ZNF12: variants seen among roughly 807,000 people sequenced by gnomAD.
The protein encoded by ZNF12 is gonadotropin inducible transcription repressor 3.
ZNF12 carries 34 observed loss-of-function variants against 66.6 expected under a neutral mutation model. That is an observed-to-expected ratio of 0.51 (90% CI 0.39 to 0.68). ZNF12 has a LOEUF of 0.68. ZNF12 is among the 30% of genes least tolerant of loss of function. The probability of loss-of-function intolerance (pLI) is 0.00; values close to 1 mark genes in which losing one functional copy is unlikely to be tolerated. For synonymous variants in ZNF12, 320 were observed against 278.9 expected (o/e 1.15, Z -1.47); for missense variants, 697 against 826.9 (o/e 0.84, Z 1.93).
In ZNF12 at chr7:6,706,632, C is replaced by A; in HGVS notation, c.-251G>T. On this transcript the variant is annotated 5_prime_UTR_variant, in exon 1 of 5. Coordinates refer to ENST00000405858, the MANE Select transcript of ZNF12 (RefSeq NM_016265.4). ...GGAGCCCAGATCCGTCTCCCTGGGG[C>A]TCACCGTCCTGCGGAGCCGGGGCCG... 1 of 434,824 alleles carries A rather than the reference C, an allele frequency of 2.3e-6. No individual in the cohort carries two copies. Among genetic ancestry groups the A allele is most frequent in the Admixed American group, 2.5e-5 (1 of 40,636 alleles). 26.9% of individuals were successfully genotyped at this position (434,824 alleles called of 1,614,324 possible).
chr7:6,706,472 A>G lies in ZNF12; in HGVS notation c.-91T>C, dbSNP rs778165082. 6.3e-6 allele frequency: 3 copies of G among 477,240 alleles called. No individual in the cohort carries two copies. The East Asian group carries it at 1.9e-4, about 31-fold the overall frequency. 29.6% of individuals were successfully genotyped at this position (477,240 alleles called of 1,614,324 possible). ...CAGCCTCTGCCCCACCGCTCCCGAC[A>G]GGCCGGGGCGGGATTGCTGTCGCGG... On this transcript the variant is annotated 5_prime_UTR_variant, in exon 1 of 5. Coordinates refer to ENST00000405858, the MANE Select transcript of ZNF12 (RefSeq NM_016265.4).
chr7:6,694,462 A>G (rs964098966), intron 4 of ZNF12, among the ~76,000 whole-genome samples: 1 of 152,212 alleles, frequency 6.6e-6, no homozygotes, highest in South Asian at 2.1e-4. Flanking sequence ...GTCATCTAAC[A>G]AAAATATTCC....
At chr7:6,703,878 G>A (rs1340854298) in intron 2 of ZNF12, among the ~76,000 whole-genome samples, 1 of 152,254 alleles carries the variant, frequency 6.6e-6, no homozygotes, top group African/African-American at 2.4e-5. Flanking sequence ...TGTCCACTAA[G>A]AGCATGTGCT....
chr7:6,691,952 A>G lies in ZNF12; in HGVS notation c.990T>C (p.Cys330=). ...GTAACTTCTGGTAAAAGTTCTTCCC[A>G]CATTCATTACATTCATAGGGCTTCT... The part of the protein sequence containing the change: ...TGEKPYECNE[C]GKNFYQKLHL... Residue 330 remains cysteine (C), a synonymous_variant, in exon 5 of 5, where the codon TGT becomes TGC. Transcript: ENST00000405858. 6.2e-7 allele frequency: 1 copy of G among 1,614,150 alleles called. No homozygotes were observed. Among genetic ancestry groups the G allele is most frequent in the Middle Eastern group, 1.6e-4 (1 of 6,062 alleles).
rs545889454 is a variant in ZNF12 at position 6,696,952 on chromosome 7, C to T, written c.238+387G>A. On this transcript the variant is annotated intron_variant, in intron 4 of 4. Coordinates refer to ENST00000405858, the MANE Select transcript of ZNF12 (RefSeq NM_016265.4). This position sits in a 1 kb window ranked among gnomAD's most constrained non-coding sequence, Gnocchi z 4.0. ...AACAGGGTCCAGAAACAGTCTCAGG[C>T]ACTGCACGGTAAAGATTAAAAAAAA... Among the ~76,000 whole-genome samples, 1 of 151,048 alleles carries T rather than the reference C, an allele frequency of 6.6e-6. No homozygotes were observed. The highest frequency in any genetic ancestry group is 2.1e-4 in the South Asian group (1 of 4,768).
At position 6,692,533 on chromosome 7, in the gene ZNF12, T is replaced by G. The variant is rs1377975300; in HGVS notation, c.409A>C (p.Asn137His). The change falls in exon 5 of 5, where the codon AAT (asparagine) becomes CAT (histidine). Residue 137 changes from asparagine (N) to histidine (H), a missense_variant. This residue lies in a region of ZNF12 where 241 missense variants were observed against 224.0 expected (regional missense o/e 1.08). Coordinates refer to ENST00000405858, the MANE Select transcript of ZNF12 (RefSeq NM_016265.4). This position sits in a 1 kb window ranked among gnomAD's most constrained non-coding sequence, Gnocchi z 5.1. ...PVPSRKIAYK[N>H]SLCDSCEKCL... Reference sequence around the variant, plus strand: ...TTTTCACATGAGTCACAGAGGCTATTTTTATAGGCTATTTTTCTTGAAGGA... The same window carrying G: ...TTTTCACATGAGTCACAGAGGCTATGTTTATAGGCTATTTTTCTTGAAGGA... 1 of 1,613,778 alleles carries G rather than the reference T, an allele frequency of 6.2e-7. No homozygotes were observed. Among genetic ancestry groups the G allele is most frequent in the African/African-American group, 1.3e-5 (1 of 75,024 alleles).
At position 6,698,583 on chromosome 7, in the gene ZNF12, T is replaced by G. The variant is rs1464439250; in HGVS notation, c.16-772A>C. 2.0e-5 allele frequency among the ~76,000 whole-genome samples: 3 copies of G among 152,228 alleles called. No homozygotes were observed. In the South Asian group the frequency reaches 6.2e-4, roughly 31 times the overall value. ...GGCTGGGCAACACACATTCTAGTTT[T>G]TATTTTTACTGCCAAGTGACCAAGC... On this transcript the variant is annotated intron_variant, in intron 2 of 4. Coordinates refer to ENST00000405858, the MANE Select transcript of ZNF12 (RefSeq NM_016265.4). This position sits in a 1 kb window ranked among gnomAD's most constrained non-coding sequence, Gnocchi z 4.4.
chr7:6,690,741 C>T lies in ZNF12; in HGVS notation c.*107G>A, dbSNP rs1006736996. 5 of 1,170,822 alleles carry T rather than the reference C, an allele frequency of 4.3e-6. No individual in the cohort carries two copies. In the Admixed American group the frequency reaches 1.2e-4, roughly 27 times the overall value. 72.5% of individuals were successfully genotyped at this position (1,170,822 alleles called of 1,614,324 possible). On this transcript the variant is annotated 3_prime_UTR_variant, in exon 5 of 5. Coordinates refer to ENST00000405858, the MANE Select transcript of ZNF12 (RefSeq NM_016265.4). ...TGAGTCCAACACACAAGGGGATGTC[C>T]ACACTAACCTGTGTGAACTCTCTGA...
In ZNF12 at chr7:6,692,670, C is replaced by A. The variant is rs757474636; in HGVS notation, c.272G>T (p.Arg91Ile). 6.2e-7 allele frequency: 1 copy of A among 1,607,340 alleles called. No homozygotes were observed. The highest frequency in any genetic ancestry group is 1.1e-5 in the South Asian group (1 of 89,262). Residue 91 changes from arginine (R) to isoleucine (I), a missense_variant, in exon 5 of 5, where the codon AGA (arginine) becomes ATA (isoleucine). Around this residue, in one of 3 missense-constraint regions of ZNF12, gnomAD observed 241 missense variants for 224.0 expected, o/e 1.08. Coordinates refer to ENST00000405858, the MANE Select transcript of ZNF12 (RefSeq NM_016265.4). This position sits in a 1 kb window ranked among gnomAD's most constrained non-coding sequence, Gnocchi z 5.1. ...EVWQTDDLIE[R>I]IQEEENKPSR... ...AGGTTTATTTTCCTCTTCCTGGATT[C>A]TCTCTATTAGGTCATCAGTTTGCCA... is the stretch of plus-strand genomic sequence containing the variant.
At position 6,696,071 on chromosome 7, in the gene ZNF12, A is replaced by C. The variant is rs560641216; in HGVS notation, c.238+1268T>G. Among the ~76,000 whole-genome samples the C allele has an allele frequency of 6.6e-6, 1 of 152,350 alleles. No individual in the cohort carries two copies. The highest frequency in any genetic ancestry group is 2.1e-4 in the South Asian group (1 of 4,834). On this transcript the variant is annotated intron_variant, in intron 4 of 4. Coordinates refer to ENST00000405858, the MANE Select transcript of ZNF12 (RefSeq NM_016265.4). This position sits in a 1 kb window ranked among gnomAD's most constrained non-coding sequence, Gnocchi z 4.0. The stretch of plus-strand genomic sequence containing the variant: ...TCCCTTTAGGAAGTAAAATGTAACC[A>C]ACTATAGGCTTATCTTGTGAGGCTA...
rs1411829403 is a variant in ZNF12 at position 6,705,899 on chromosome 7, C to CT, written c.-51+532dup. 6.6e-6 allele frequency among the ~76,000 whole-genome samples: 1 copy of CT among 152,114 alleles called. No homozygotes were observed. Among genetic ancestry groups the CT allele is most frequent in the East Asian group, 1.9e-4 (1 of 5,200 alleles). The stretch of plus-strand genomic sequence containing the variant: ...ACTTCAGTGTGCTACTCAAAAGGAT[C>CT]TTTTATTGAAGAACTTACGCTCACT... On this transcript the variant is annotated intron_variant, in intron 1 of 4. Transcript: ENST00000405858. This position sits in a 1 kb window ranked among gnomAD's most constrained non-coding sequence, Gnocchi z 4.0.
In ZNF12 at chr7:6,697,553, A is replaced by G. The variant is rs542064064; in HGVS notation, c.143-119T>C. 1.3e-6 allele frequency: 2 copies of G among 1,532,014 alleles called. No individual in the cohort carries two copies. The highest frequency in any genetic ancestry group is 8.9e-7 in the Non-Finnish European group (1 of 1,121,238). The allele number at this position is 1,532,014 out of a possible 1,614,324, so 94.9% of individuals were successfully genotyped here. The stretch of plus-strand genomic sequence containing the variant: ...ATCAGAACTTTTCACGGGGGAGATC[A>G]AGACCAAAATGCCCTGCCTGGTGCC... On this transcript the variant is annotated intron_variant, in intron 3 of 4. Transcript: ENST00000405858. This position sits in a 1 kb window ranked among gnomAD's most constrained non-coding sequence, Gnocchi z 6.1.
chr7:6,691,197 C>T lies in ZNF12; in HGVS notation c.1745G>A (p.Cys582Tyr). ...SGEKPYECSE[C>Y]GKTFCQNSAL... ...TGAATTCTGGCAGAAGGTTTTCCCACATTCACTACATTCATAGGGCTTCTC... is the reference window on the plus strand; with the variant it reads ...TGAATTCTGGCAGAAGGTTTTCCCATATTCACTACATTCATAGGGCTTCTC... Residue 582 changes from cysteine (C) to tyrosine (Y), a missense_variant, in exon 5 of 5, where the codon TGT becomes TAT. Physicochemically the swap from Cys to Tyr is radical, Grantham distance 194 (BLOSUM62 -2). Around this residue, in one of 3 missense-constraint regions of ZNF12, gnomAD observed 401 missense variants for 519.0 expected, o/e 0.77. Transcript: ENST00000405858. 2 of 1,614,104 alleles carry T rather than the reference C, an allele frequency of 1.2e-6. No individual in the cohort carries two copies. Among genetic ancestry groups the T allele is most frequent in the Non-Finnish European group, 8.5e-7 (1 of 1,180,002 alleles).
rs1474068392 is a variant in ZNF12, at chr7:6,692,849, TCTC to T, written c.239-149_239-147del. On this transcript the variant is annotated intron_variant, in intron 4 of 4. Coordinates refer to ENST00000405858, the MANE Select transcript of ZNF12 (RefSeq NM_016265.4). The surrounding 1 kb of genome is among the most constrained non-coding windows in gnomAD (Gnocchi z 5.1). The stretch of plus-strand genomic sequence containing the variant: ...ATGAAAATAATTCCAAGTGTACTCT[TCTC>T]CTTTATGCTTTTGCTTAAAATTACA... 4 of 749,436 alleles carry T rather than the reference TCTC, an allele frequency of 5.3e-6. No individual in the cohort carries two copies. Among genetic ancestry groups the T allele is most frequent in the Non-Finnish European group, 8.0e-6 (4 of 497,232 alleles). The allele number at this position is 749,436 out of a possible 1,614,324, so 46.4% of individuals were successfully genotyped here. A position where few individuals can be genotyped will look rare whatever the true frequency, so the allele number is the denominator to read the frequency against.
chr7:6,697,682 C>G lies in ZNF12; in HGVS notation c.142+3G>C. ...AGCAACTGAGAAAGCAAGCTATCCT[C>G]ACCCACAGAAACTAGATTGCTGTAG... On this transcript the variant is annotated splice_donor_region_variant and intron_variant, in intron 3 of 4. Transcript: ENST00000405858. This position sits in a 1 kb window ranked among gnomAD's most constrained non-coding sequence, Gnocchi z 6.1. 6.2e-7 allele frequency: 1 copy of G among 1,614,054 alleles called. No individual in the cohort carries two copies. The highest frequency in any genetic ancestry group is 8.5e-7 in the Non-Finnish European group (1 of 1,179,944).
intron 2 of ZNF12, chr7:6,700,959 CGTTT>C (rs1562601611): frequency 7.1e-5 from 9 of 125,978 alleles, no homozygotes; most frequent in Admixed American, 5.5e-4. Context: ...TTCATTTGTT[CGTTT>C]GTTCGTTTGT....
chr7:6,695,112 T>A (rs1374386965), intron 4 of ZNF12, among the ~76,000 whole-genome samples: 2 of 152,190 alleles, frequency 1.3e-5, no homozygotes, highest in Non-Finnish European at 2.9e-5. Context: ...AGACAGAGTG[T>A]CACCATATTG....
rs1780173818 is a variant in ZNF12, at chr7:6,697,671, C to A, written c.142+14G>T. 1 of 1,612,828 alleles carries A rather than the reference C, an allele frequency of 6.2e-7. No individual in the cohort carries two copies. The highest frequency in any genetic ancestry group is 1.7e-5 in the Admixed American group (1 of 59,680). On this transcript the variant is annotated intron_variant, in intron 3 of 4. Coordinates refer to ENST00000405858, the MANE Select transcript of ZNF12 (RefSeq NM_016265.4). The surrounding 1 kb of genome is among the most constrained non-coding windows in gnomAD (Gnocchi z 6.1). Reference sequence around the variant, plus strand: ...CCATATATTTTAGCAACTGAGAAAGCAAGCTATCCTCACCCACAGAAACTA... The same window carrying A: ...CCATATATTTTAGCAACTGAGAAAGAAAGCTATCCTCACCCACAGAAACTA...
At position 6,698,457 on chromosome 7, in the gene ZNF12, T is replaced by C. The variant is rs910717979; in HGVS notation, c.16-646A>G. 1.3e-5 allele frequency among the ~76,000 whole-genome samples: 2 copies of C among 152,172 alleles called. No individual in the cohort carries two copies. The highest frequency in any genetic ancestry group is 2.4e-5 in the African/African-American group (1 of 41,426). On this transcript the variant is annotated intron_variant, in intron 2 of 4. Coordinates refer to ENST00000405858, the MANE Select transcript of ZNF12 (RefSeq NM_016265.4). The surrounding 1 kb of genome is among the most constrained non-coding windows in gnomAD (Gnocchi z 4.4). ...TATGTCCCAGATGGCAAACTCAACA[T>C]CCCTGAAATTCAATTGCTGTTCCTG...
Sources: allele counts gnomAD v4.1 joint callset (sites outside exome capture counted in the v4.1 genomes callset), GRCh38; gene constraint gnomAD v4.1.1; regional missense constraint gnomAD v4.1.1; non-coding constraint Gnocchi (gnomAD v3.1); transcripts MANE v1.5; gene names NCBI Gene and HGNC (gene_info 2026-07-23, HGNC 2026-07-21).